The following FARS2 variants were observed in gnomAD, a reference collection of about 807,000 sequenced individuals.
The protein encoded by FARS2 is phenylalanine--tRNA ligase, mitochondrial.
In FARS2, 40 loss-of-function variants were observed where a neutral mutation model predicts 46.4. That is an observed-to-expected ratio of 0.86 (90% confidence interval 0.67 to 1.12). The LOEUF (loss-of-function observed/expected upper bound fraction) is 1.12. FARS2 is among the 50% of genes most tolerant of loss of function. The probability of loss-of-function intolerance (pLI) is 0.00; values close to 1 mark genes in which losing one functional copy is unlikely to be tolerated. For synonymous variants in FARS2, 234 were observed against 214.9 expected, an observed-to-expected ratio of 1.09 and a Z score of -0.78; for missense variants, 513 against 567.9, an observed-to-expected ratio of 0.90 and a Z score of 0.98.
chr6:5,458,419 C>A (rs537903814), intron 4 of FARS2, among the ~76,000 whole-genome samples: 1 of 152,170 alleles, frequency 6.6e-6, no homozygotes, highest in South Asian at 2.1e-4. Flanking sequence ...TGTCCAGCCC[C>A]TTGGCCAGCC....
intron 1 of FARS2, among the ~76,000 whole-genome samples, chr6:5,362,045 A>C (rs761774899): frequency 6.6e-6 from 1 of 152,092 alleles, no homozygotes; most frequent in African/African-American, 2.4e-5. Context: ...AAACAAGCAA[A>C]ATAATCCAAA....
chr6:5,545,989 A>C (rs1346283053), intron 5 of FARS2, among the ~76,000 whole-genome samples: 1 of 152,008 alleles, frequency 6.6e-6, no homozygotes, highest in Non-Finnish European at 1.5e-5. Flanking sequence ...TTAGCTGGGC[A>C]TGGTGGCACG....
At position 5,343,276 on chromosome 6, in the gene FARS2, A is replaced by T. The variant is rs1757000081; in HGVS notation, c.-21-25274A>T. Reference sequence around the variant, plus strand: ...GCCCAGGCTGGAGTGCAGTGGCGCGATCTTGGCTCACTGCAACCTTCACCG... The same window carrying T: ...GCCCAGGCTGGAGTGCAGTGGCGCGTTCTTGGCTCACTGCAACCTTCACCG... On this transcript the variant is annotated intron_variant, in intron 1 of 6. Transcript: ENST00000274680. The surrounding 1 kb of genome is among the most constrained non-coding windows in gnomAD (Gnocchi z 4.5). 6.6e-6 allele frequency among the ~76,000 whole-genome samples: 1 copy of T among 152,114 alleles called. No homozygotes were observed. Among genetic ancestry groups the T allele is most frequent in the South Asian group, 2.1e-4 (1 of 4,828 alleles).
chr6:5,616,729 C>A (rs1027003364), intron 6 of FARS2, among the ~76,000 whole-genome samples: 2 of 152,158 alleles, frequency 1.3e-5, no homozygotes, highest in African/African-American at 4.8e-5. Context: ...ATTAGAGATG[C>A]TCAACCTACA....
chr6:5,556,199 A>G (rs1771647256), intron 5 of FARS2, among the ~76,000 whole-genome samples: 1 of 151,980 alleles, frequency 6.6e-6, no homozygotes, highest in Admixed American at 6.6e-5. Context: ...TCCTAGTTAA[A>G]CCTAACATGT....
At chr6:5,333,538 A>G (rs1009602062) in intron 1 of FARS2, among the ~76,000 whole-genome samples, 1 of 152,240 alleles carries the variant, frequency 6.6e-6, no homozygotes, top group South Asian at 2.1e-4. Context: ...GAGCAATGCT[A>G]TCATATTAAG....
chr6:5,261,522 T>G lies in FARS2; in HGVS notation c.-160T>G, dbSNP rs1038120619. The G allele has an allele frequency of 2.6e-5, 4 of 152,380 alleles. No homozygotes were observed. The highest frequency in any genetic ancestry group is 6.5e-5 in the Admixed American group (1 of 15,290). The allele number at this position is 152,380 out of a possible 1,614,324, so 9.4% of individuals were successfully genotyped here. ...TAGGGGCCTCTGGGGCAGGCCCGCT[T>G]TCTGTCAAAATGGCAGCGCCCAGCG... is the stretch of plus-strand genomic sequence containing the variant. On this transcript the variant is annotated 5_prime_UTR_variant, in exon 1 of 7. Coordinates refer to ENST00000274680, the MANE Select transcript of FARS2 (RefSeq NM_006567.5).
At chr6:5,401,016 G>T (rs1415081770) in intron 2 of FARS2, among the ~76,000 whole-genome samples, 2 of 151,736 alleles carry the variant, frequency 1.3e-5, no homozygotes, top group Non-Finnish European at 2.9e-5. Flanking sequence ...CCATTTGCCT[G>T]TTATATTCTG....
At chr6:5,504,623 T>A (rs545472068) in intron 4 of FARS2, among the ~76,000 whole-genome samples, 38 of 152,234 alleles carry the variant, frequency 2.5e-4, no homozygotes, top group African/African-American at 9.1e-4. Context: ...CAAAAATTAC[T>A]GACACCAAGC....
At position 5,482,231 on chromosome 6, in the gene FARS2, C is replaced by T. The variant is rs187835798; in HGVS notation, c.904+51059C>T. 5.3e-5 allele frequency among the ~76,000 whole-genome samples: 8 copies of T among 152,052 alleles called. No individual in the cohort carries two copies. The East Asian group carries it at 9.7e-4, about 18-fold the overall frequency. On this transcript the variant is annotated intron_variant, in intron 4 of 6. Transcript: ENST00000274680. ...CCTCACATTTTTATATTTCTGGTAT[C>T]AGTATTTGATATCAGTACAATCCAT...
chr6:5,640,684 A>T (rs1419871132), intron 6 of FARS2, among the ~76,000 whole-genome samples: 1 of 152,234 alleles, frequency 6.6e-6, no homozygotes, highest in Non-Finnish European at 1.5e-5. Context: ...ACTTGTCACA[A>T]GTAGCCACAA....
In FARS2 at chr6:5,468,392, A is replaced by G. The variant is rs570767335; in HGVS notation, c.904+37220A>G. Among the ~76,000 whole-genome samples the G allele has an allele frequency of 2.0e-5, 3 of 152,132 alleles. No individual in the cohort carries two copies. In the South Asian group the frequency reaches 6.2e-4, roughly 32 times the overall value. On this transcript the variant is annotated intron_variant, in intron 4 of 6. Transcript: ENST00000274680. ...AGAAAGAAAAAAAGTTAGCCATATA[A>G]TGAAAGAAAAGGAGAATTTGTGTGA... is the stretch of plus-strand genomic sequence containing the variant.
intron 5 of FARS2, among the ~76,000 whole-genome samples, chr6:5,576,726 C>T (rs1773007294): frequency 6.6e-6 from 1 of 151,236 alleles, no homozygotes; most frequent in Non-Finnish European, 1.5e-5. Flanking sequence ...CCTCTCCCAA[C>T]TTTATGTATT....
At chr6:5,420,519 G>A (rs986334823) in intron 3 of FARS2, among the ~76,000 whole-genome samples, 2 of 152,190 alleles carry the variant, frequency 1.3e-5, no homozygotes, top group African/African-American at 4.8e-5. Flanking sequence ...CCAAATGGGA[G>A]AAATTGGCCA....
At chr6:5,285,467 GC>G (rs1397936174) in intron 1 of FARS2, among the ~76,000 whole-genome samples, 1 of 152,194 alleles carries the variant, frequency 6.6e-6, no homozygotes, top group East Asian at 1.9e-4. Flanking sequence ...ACCTTTGTGA[GC>G]AAAATGCTGT....
intron 2 of FARS2, among the ~76,000 whole-genome samples, chr6:5,399,265 C>T (rs1295490382): frequency 1.3e-5 from 2 of 151,420 alleles, no homozygotes; most frequent in Non-Finnish European, 2.9e-5. Context: ...ATTCCTGCCT[C>T]CCGGGTTCAA....
chr6:5,643,251 T>G (rs147806560), intron 6 of FARS2, among the ~76,000 whole-genome samples: 5 of 152,270 alleles, frequency 3.3e-5, no homozygotes, highest in African/African-American at 1.2e-4. Context: ...CCACCTTTGA[T>G]CAAAACTCCT....
Position 5,318,228 on chromosome 6 carries a change from C to T in FARS2, c.-21-50322C>T, listed in dbSNP as rs114694099. On this transcript the variant is annotated intron_variant, in intron 1 of 6. Coordinates refer to ENST00000274680, the MANE Select transcript of FARS2 (RefSeq NM_006567.5). The stretch of plus-strand genomic sequence containing the variant: ...ACAAAAATTAGCCTGGTGTGGTGGC[C>T]GGCACCTGTAGTTCCAGCTACTTGG... Among the ~76,000 whole-genome samples, 977 of 151,924 alleles carry T rather than the reference C, an allele frequency of 6.4e-3. 12 individuals carry two copies. The highest frequency in any genetic ancestry group is 0.022 in the African/African-American group (923 of 41,436).
At chr6:5,456,461 C>G (rs139825695) in intron 4 of FARS2, among the ~76,000 whole-genome samples, 1 of 151,944 alleles carries the variant, frequency 6.6e-6, no homozygotes, top group African/African-American at 2.4e-5. Flanking sequence ...TGGCCAGGCA[C>G]GGTGGCTCAC....
Sources: gnomAD v4.1 joint callset for allele counts (sites outside exome capture counted in the v4.1 genomes callset) on GRCh38, gnomAD v4.1.1 for gene constraint, Gnocchi (gnomAD v3.1) non-coding constraint, MANE v1.5 for transcripts, NCBI Gene and HGNC (gene_info 2026-07-23, HGNC 2026-07-21) for gene names.